SP3: variants seen among roughly 807,000 people sequenced by gnomAD.
SP3 encodes the protein transcription factor Sp3.
In SP3, 10 loss-of-function variants were observed where a neutral mutation model predicts 70.3. That is an observed-to-expected ratio of 0.14 (90% CI 0.09 to 0.24). SP3 has a LOEUF of 0.24. Ranked by LOEUF, SP3 falls within the 10% of genes least tolerant of loss-of-function variation. SP3 has a pLI of 1.00. For synonymous variants in SP3, 402 were observed against 333.5 expected (o/e 1.21, Z -2.24); for missense variants, 825 against 914.6 (o/e 0.90, Z 1.26).
At position 173,906,923 on chromosome 2, in the gene SP3, C is replaced by CTGTTTAGTTCT. The variant is rs1689341845; in HGVS notation, c.*3017_*3018insAGAACTAAACA. ...TCTAATGAACAATACTGTTTAAGAA[C>CTGTTTAGTTCT]TATTTTCTATGAAATAGGCTTGACA... On this transcript the variant is annotated 3_prime_UTR_variant, in exon 7 of 7. Coordinates refer to ENST00000310015, the MANE Select transcript of SP3 (RefSeq NM_003111.5). 6.6e-6 allele frequency: 1 copy of CTGTTTAGTTCT among 152,226 alleles called. No homozygotes were observed. The highest frequency in any genetic ancestry group is 2.4e-5 in the African/African-American group (1 of 41,464). 9.4% of individuals were successfully genotyped at this position (152,226 alleles called of 1,614,324 possible). A position where few individuals can be genotyped will look rare whatever the true frequency, so the allele number is the denominator to read the frequency against.
rs1291032515 is a variant in SP3 at position 173,905,231 on chromosome 2, A to C, written c.*4710T>G. Among the ~76,000 whole-genome samples the C allele has an allele frequency of 6.6e-6, 1 of 152,204 alleles. No homozygotes were observed. Among genetic ancestry groups the C allele is most frequent in the Non-Finnish European group, 1.5e-5 (1 of 68,028 alleles). On this transcript the variant is annotated 3_prime_UTR_variant, in exon 7 of 7. Coordinates refer to ENST00000310015, the MANE Select transcript of SP3 (RefSeq NM_003111.5). ...AACAATGAAAATTCTAAAACACTTC[A>C]CTACAGAAAAATGGAATCTCCAGAG...
intron 3 of SP3, among the ~76,000 whole-genome samples, chr2:173,961,948 T>TTTTG (rs1559112149): frequency 4.8e-5 from 7 of 146,146 alleles, no homozygotes; most frequent in African/African-American, 1.8e-4. Flanking sequence ...TTTTTTTTTT[T>TTTTG]TTTTTTTTTT....
chr2:173,909,342 G>A lies in SP3; in HGVS notation c.*599C>T, dbSNP rs1006451613. The A allele has an allele frequency of 3.3e-5, 5 of 152,416 alleles. No homozygotes were observed. Among genetic ancestry groups the A allele is most frequent in the African/African-American group, 1.2e-4 (5 of 41,438 alleles). The allele number at this position is 152,416 out of a possible 1,614,324, so 9.4% of individuals were successfully genotyped here. On this transcript the variant is annotated 3_prime_UTR_variant, in exon 7 of 7. Transcript: ENST00000310015. ...GATTTAAAAGGTGACTATCCCTAGAGTTCCATGTTAAAATGTAGTTTTCAA... is the reference window on the plus strand; with the variant it reads ...GATTTAAAAGGTGACTATCCCTAGAATTCCATGTTAAAATGTAGTTTTCAA...
intron 4 of SP3, among the ~76,000 whole-genome samples, chr2:173,936,786 T>C (rs1222392366): frequency 6.6e-6 from 1 of 151,300 alleles, no homozygotes; most frequent in Non-Finnish European, 1.5e-5. Context: ...CACTTTGCCT[T>C]GCCTCTATTC....
rs1482571867 is a variant in SP3, at chr2:173,907,450, T to TTA, written c.*2490_*2491insTA. On this transcript the variant is annotated 3_prime_UTR_variant, in exon 7 of 7. Transcript: ENST00000310015. ...TATCTACACTGAGGTTACATAACTT[T>TTA]GGTAAAAGTTCCAAAGTTCACTAAT... 1 of 152,124 alleles carries TTA rather than the reference T, an allele frequency of 6.6e-6. No individual in the cohort carries two copies. The highest frequency in any genetic ancestry group is 1.5e-5 in the Non-Finnish European group (1 of 67,982). The allele number at this position is 152,124 out of a possible 1,614,324, so 9.4% of individuals were successfully genotyped here.
At chr2:173,953,791 A>AAAAAC (rs1488984383) in intron 4 of SP3, among the ~76,000 whole-genome samples, 6 of 151,990 alleles carry the variant, frequency 3.9e-5, no homozygotes, top group African/African-American at 1.5e-4. Flanking sequence ...AAACAAAAAA[A>AAAAAC]AAAACAACTA....
chr2:173,964,391 C>G lies in SP3; in HGVS notation c.156+14G>C, dbSNP rs1188690381. On this transcript the variant is annotated intron_variant, in intron 2 of 6. Coordinates refer to ENST00000310015, the MANE Select transcript of SP3 (RefSeq NM_003111.5). ...GCGAGGGGGGAGCCGGGCCGGGGTT[C>G]AGCCGCTCCTCACCTGGGCCGCCGC... The G allele has an allele frequency of 1.0e-5, 7 of 703,418 alleles. No individual in the cohort carries two copies. The highest frequency in any genetic ancestry group is 1.8e-5 in the African/African-American group (1 of 54,068). The allele number at this position is 703,418 out of a possible 1,614,324, so 43.6% of individuals were successfully genotyped here.
chr2:173,958,884 C>T (rs983482674), intron 3 of SP3, among the ~76,000 whole-genome samples: 3 of 151,798 alleles, frequency 2.0e-5, no homozygotes, highest in African/African-American at 7.3e-5. Context: ...AAAACATTAC[C>T]TTGCAGGGGC....
Position 173,925,444 on chromosome 2 carries a change from A to G in SP3, c.1640-6659T>C, listed in dbSNP as rs141826384. The stretch of plus-strand genomic sequence containing the variant: ...AGATGAAAAGGGAAGTTGGTATTTA[A>G]AAGGTAGAGTTTCAATTTTGCAAGA... On this transcript the variant is annotated intron_variant, in intron 4 of 6. Transcript: ENST00000310015. 3.9e-5 allele frequency among the ~76,000 whole-genome samples: 6 copies of G among 152,334 alleles called. No individual in the cohort carries two copies. The East Asian group carries it at 1.2e-3, about 29-fold the overall frequency.
chr2:173,954,868 C>T lies in SP3; in HGVS notation c.1639+5G>A, dbSNP rs1483469796. The T allele has an allele frequency of 6.2e-7, 1 of 1,608,348 alleles. No homozygotes were observed. On this transcript the variant is annotated splice_donor_5th_base_variant and intron_variant, in intron 4 of 6. Coordinates refer to ENST00000310015, the MANE Select transcript of SP3 (RefSeq NM_003111.5). ...ATTTATGGCATGACATAACTTAAGA[C>T]TCACCTGCAGGACTGTCAGCATTCT...
At chr2:173,937,489 A>G (rs1690240652) in intron 4 of SP3, among the ~76,000 whole-genome samples, 1 of 152,208 alleles carries the variant, frequency 6.6e-6, no homozygotes, top group Non-Finnish European at 1.5e-5. Context: ...GTTACTATGA[A>G]CAAAGCTTAC....
At chr2:173,952,361 ACAAAC>A (rs1223468255) in intron 4 of SP3, among the ~76,000 whole-genome samples, 1 of 152,202 alleles carries the variant, frequency 6.6e-6, no homozygotes, top group African/African-American at 2.4e-5. Context: ...AGTAGGAACT[ACAAAC>A]CAAAACCATA....
At chr2:173,951,844 T>C (rs1384242935) in intron 4 of SP3, among the ~76,000 whole-genome samples, 3 of 152,182 alleles carry the variant, frequency 2.0e-5, no homozygotes, top group Non-Finnish European at 2.9e-5. Flanking sequence ...ATATAATGAG[T>C]TGGTCATCTG....
chr2:173,938,392 G>A (rs899069898), intron 4 of SP3, among the ~76,000 whole-genome samples: 1 of 146,412 alleles, frequency 6.8e-6, no homozygotes, highest in African/African-American at 2.5e-5. Flanking sequence ...CTAAGAGGCA[G>A]AGGTTGCAGT....
At chr2:173,917,320 TTAAAC>T (rs10589724) in intron 5 of SP3, among the ~76,000 whole-genome samples, 61,565 of 151,400 alleles carry the variant, frequency 0.41, 12,686 homozygotes, top group Non-Finnish European at 0.44. Context: ...AAACAAAACT[TTAAAC>T]TAATTACAAT....
At chr2:173,963,998 A>T in intron 2 of SP3, 115 bp from the exon 3 acceptor site, 1 of 600,516 alleles carries the variant, frequency 1.7e-6, no homozygotes, top group Non-Finnish European at 2.6e-6. Flanking sequence ...CGCCCGGGCA[A>T]GCGCCAGCCC....
chr2:173,952,101 AT>A (rs546757353), intron 4 of SP3, among the ~76,000 whole-genome samples: 8,369 of 140,768 alleles, frequency 0.059, 503 homozygotes, highest in African/African-American at 0.16. Context: ...GGCTCACTTC[AT>A]TTTTTTTTTT....
intron 5 of SP3, chr2:173,915,546 G>C (rs1689600268): frequency 6.6e-6 from 1 of 152,068 alleles, no homozygotes. Context: ...ATTTAATAAT[G>C]CTAAGATAGA....
chr2:173,924,813 T>C (rs1689864043), intron 4 of SP3, among the ~76,000 whole-genome samples: 1 of 152,218 alleles, frequency 6.6e-6, no homozygotes, highest in Non-Finnish European at 1.5e-5. Flanking sequence ...CAATTTTAAT[T>C]AGTTTTAGTT....
Sources: allele counts gnomAD v4.1 joint callset (sites outside exome capture counted in the v4.1 genomes callset), GRCh38; gene constraint gnomAD v4.1.1; transcripts MANE v1.5; gene names NCBI Gene and HGNC (gene_info 2026-07-23, HGNC 2026-07-21).